The following FBLN2 variants were observed in gnomAD, a reference collection of about 807,000 sequenced individuals.
The protein encoded by FBLN2 is fibulin-2.
A neutral mutation model predicts 123.7 loss-of-function variants in FBLN2; 81 were observed. That is an observed-to-expected ratio of 0.65 (90% CI 0.55 to 0.79). The LOEUF (loss-of-function observed/expected upper bound fraction) is 0.79. FBLN2 is among the 30% of genes least tolerant of loss of function. The pLI, the probability that FBLN2 is intolerant of heterozygous loss-of-function variation, is 0.00. For synonymous variants in FBLN2, 699 were observed against 701.4 expected, an observed-to-expected ratio of 1.00 and a Z score of 0.05; for missense variants, 1,603 against 1,681.3, an observed-to-expected ratio of 0.95 and a Z score of 0.81.
At chr3:13,574,930 C>A (rs1219615475) in intron 2 of FBLN2, among the ~76,000 whole-genome samples, 1 of 152,214 alleles carries the variant, frequency 6.6e-6, no homozygotes, top group Non-Finnish European at 1.5e-5. Context: ...GATAAACCTG[C>A]CTGTGTACAT....
At chr3:13,630,907 CAGAA>C in intron 15 of FBLN2, 92 bp downstream of exon 15, 1 of 979,556 alleles carries the variant, frequency 1.0e-6, no homozygotes, top group Non-Finnish European at 1.6e-6. Context: ...GCCATGGACA[CAGAA>C]AGGTTTTAGC....
At position 13,631,421 on chromosome 3, in the gene FBLN2, G is replaced by A; in HGVS notation, c.3178G>A (p.Gly1060Ser). The A allele has an allele frequency of 6.3e-7, 1 of 1,599,730 alleles. No individual in the cohort carries two copies. The highest frequency in any genetic ancestry group is 8.5e-7 in the Non-Finnish European group (1 of 1,173,470). Reference sequence around the variant, plus strand: ...CTACCAGTGTGCATGCCCTGAGCAGGGCTACACCATGACGGCCAACGGGAG... The same window carrying A: ...CTACCAGTGTGCATGCCCTGAGCAGAGCTACACCATGACGGCCAACGGGAG... Reference protein sequence around the residue: ...GSYQCACPEQGYTMTANGRSC... With the variant: ...GSYQCACPEQSYTMTANGRSC... Residue 1060 changes from glycine to serine, a missense_variant, in exon 16 of 18, where the codon GGC becomes AGC. Physicochemically the swap from Gly to Ser is moderately conservative, Grantham distance 56. Transcript: ENST00000404922.
chr3:13,555,984 C>T (rs1240531197), intron 1 of FBLN2, among the ~76,000 whole-genome samples: 2 of 152,202 alleles, frequency 1.3e-5, no homozygotes, highest in Non-Finnish European at 2.9e-5. Context: ...ACATACCTCA[C>T]ATCTCCTGGG....
At chr3:13,580,944 C>T (rs890709826) in intron 2 of FBLN2, among the ~76,000 whole-genome samples, 1 of 152,212 alleles carries the variant, frequency 6.6e-6, no homozygotes, top group Non-Finnish European at 1.5e-5. Flanking sequence ...CCTGGCAGCT[C>T]AGCTGGTCCG....
At chr3:13,584,789 AG>A (rs1704446046) in intron 2 of FBLN2, among the ~76,000 whole-genome samples, 1 of 152,228 alleles carries the variant, frequency 6.6e-6, no homozygotes, top group Non-Finnish European at 1.5e-5. Context: ...GCCACCACAC[AG>A]GCATGGGCGT....
Position 13,637,935 on chromosome 3 carries a change from C to T in FBLN2, c.*16C>T. ...TGCCCTGTGAGGTGCCAGCACGGGC[C>T]ACCTGCGGGTGTGGCGCAGCCCAGG... On this transcript the variant is annotated 3_prime_UTR_variant, in exon 18 of 18. Transcript: ENST00000404922. 1 of 1,559,580 alleles carries T rather than the reference C, an allele frequency of 6.4e-7. No homozygotes were observed. The highest frequency in any genetic ancestry group is 1.2e-5 in the South Asian group (1 of 82,558).
At chr3:13,568,659 G>A (rs572985773) in intron 1 of FBLN2, 5 of 491,032 alleles carry the variant, frequency 1.0e-5, no homozygotes, top group East Asian at 3.9e-4. Flanking sequence ...CCTGCCTGAC[G>A]CCCTCCTCAG....
intron 2 of FBLN2, among the ~76,000 whole-genome samples, chr3:13,601,511 T>C (rs1051025478): frequency 6.6e-6 from 1 of 152,200 alleles, no homozygotes; most frequent in Admixed American, 6.5e-5. Flanking sequence ...GCCTGGCACC[T>C]TGTGCTCCTG....
chr3:13,558,740 CCCATCCATTCACTCGT>C, intron 1 of FBLN2, among the ~76,000 whole-genome samples: 1 of 133,690 alleles, frequency 7.5e-6, no homozygotes, highest in Non-Finnish European at 1.6e-5. Context: ...TTTTTAGCCA[CCCATCCATTCACTCGT>C]CCATCCATCC....
At chr3:13,579,912 C>T (rs1003043999) in intron 2 of FBLN2, among the ~76,000 whole-genome samples, 1 of 152,246 alleles carries the variant, frequency 6.6e-6, no homozygotes, top group African/African-American at 2.4e-5. Context: ...AGCTGACCCT[C>T]AGCTCATGAG....
intron 10 of FBLN2, 116 bp downstream of exon 10, chr3:13,626,695 C>A: frequency 9.5e-7 from 1 of 1,048,678 alleles, no homozygotes; most frequent in Non-Finnish European, 1.3e-6. Context: ...GGCCACGCCC[C>A]TCTCCATCCC....
Position 13,618,064 on chromosome 3 carries a change from C to T in FBLN2, c.1730-12C>T. The T allele has an allele frequency of 1.2e-6, 2 of 1,612,126 alleles. No homozygotes were observed. Among genetic ancestry groups the T allele is most frequent in the South Asian group, 2.2e-5 (2 of 91,006 alleles). On this transcript the variant is annotated splice_polypyrimidine_tract_variant and intron_variant, in intron 5 of 17. Transcript: ENST00000404922. ...AAGCTGGCTCTGTCTTGAGCTCTAA[C>T]CCCTGTCCTAGTTTCAGAGGCAGAG...
intron 14 of FBLN2, among the ~76,000 whole-genome samples, chr3:13,630,364 G>C (rs1706214998): frequency 6.6e-6 from 1 of 152,256 alleles, no homozygotes; most frequent in African/African-American, 2.4e-5. Flanking sequence ...GACTGGTGTG[G>C]AGTAAGGCCA....
chr3:13,551,204 C>T (rs551115356), intron 1 of FBLN2, among the ~76,000 whole-genome samples: 7 of 152,358 alleles, frequency 4.6e-5, no homozygotes, highest in Non-Finnish European at 8.8e-5. Flanking sequence ...GGCTGGTCCT[C>T]CATGCATGGC....
intron 2 of FBLN2, among the ~76,000 whole-genome samples, chr3:13,576,831 C>G (rs966849307): frequency 6.6e-6 from 1 of 151,946 alleles, no homozygotes; most frequent in Admixed American, 6.6e-5. Context: ...GAGGTATGGT[C>G]CCCACCCTCA....
chr3:13,596,560 T>A (rs1307719492), intron 2 of FBLN2, among the ~76,000 whole-genome samples: 1 of 152,238 alleles, frequency 6.6e-6, no homozygotes, highest in Non-Finnish European at 1.5e-5. Flanking sequence ...TATTATTTTT[T>A]AAATCACATA....
intron 9 of FBLN2, among the ~76,000 whole-genome samples, chr3:13,626,224 C>T (rs911888865): frequency 6.6e-6 from 1 of 152,222 alleles, no homozygotes; most frequent in African/African-American, 2.4e-5. Flanking sequence ...GATGTACACC[C>T]AGTGCCAAGA....
intron 1 of FBLN2, among the ~76,000 whole-genome samples, chr3:13,554,792 A>T (rs1263905050): frequency 6.6e-6 from 1 of 152,044 alleles, no homozygotes; most frequent in African/African-American, 2.4e-5. Context: ...TTTCTTGGGG[A>T]ATAAGCCAGA....
chr3:13,634,873 G>A (rs963209413), intron 16 of FBLN2, among the ~76,000 whole-genome samples: 1 of 152,242 alleles, frequency 6.6e-6, no homozygotes, highest in Non-Finnish European at 1.5e-5. Flanking sequence ...CACCTGCCCC[G>A]TGGGGTTGGC....
Sources: allele counts gnomAD v4.1 joint callset (sites outside exome capture counted in the v4.1 genomes callset), GRCh38; gene constraint gnomAD v4.1.1; transcripts MANE v1.5; gene names NCBI Gene and HGNC (gene_info 2026-07-23, HGNC 2026-07-21).